KPNB1: variants seen among roughly 807,000 people sequenced by gnomAD.
KPNB1 encodes karyopherin subunit beta 1.
KPNB1 carries 7 observed loss-of-function variants against 113.0 expected under a neutral mutation model. The ratio of observed to expected loss-of-function variants is 0.06; its 90% confidence interval spans 0.04 to 0.12. The LOEUF (loss-of-function observed/expected upper bound fraction) is 0.12. Among genes scored for constraint, KPNB1 ranks in the 10% least tolerant of loss-of-function variants. The probability of loss-of-function intolerance (pLI) is 1.00; values close to 1 mark genes in which losing one functional copy is unlikely to be tolerated. For missense variants in KPNB1, 400 were observed against 1,054.8 expected (o/e 0.38, Z 8.60); for synonymous variants, 363 against 378.6 (o/e 0.96, Z 0.48).
intron 8 of KPNB1, among the ~76,000 whole-genome samples, chr17:47,664,812 A>G (rs1156458697): frequency 1.3e-5 from 2 of 152,196 alleles, no homozygotes; most frequent in Non-Finnish European, 2.9e-5. Flanking sequence ...CAGGTTGTCC[A>G]TATGAATTGA....
intron 17 of KPNB1, among the ~76,000 whole-genome samples, chr17:47,677,544 T>C: frequency 6.6e-6 from 1 of 150,808 alleles, no homozygotes. Flanking sequence ...TTTGGGCTTA[T>C]AAAGAGGGGA....
intron 7 of KPNB1, 69 bp from the exon 8 acceptor site, chr17:47,664,090 A>G: frequency 6.6e-6 from 6 of 908,264 alleles, no homozygotes; most frequent in Non-Finnish European, 1.1e-5. Flanking sequence ...CTGTGGTTAA[A>G]GCCGGGTTGG....
rs751114485 is a variant in KPNB1 at position 47,685,357 on chromosome 17, A to G, written c.*2953A>G. On this transcript the variant is annotated 3_prime_UTR_variant, in exon 22 of 22. Coordinates refer to ENST00000290158, the MANE Select transcript of KPNB1 (RefSeq NM_002265.6). ...CATCTTGGTTTTTGAAACAACTTCA[A>G]TCTGTAATTGGCATTCAGAATGCCC... 19 of 152,340 alleles carry G rather than the reference A, an allele frequency of 1.2e-4. No homozygotes were observed. The highest frequency in any genetic ancestry group is 4.1e-4 in the South Asian group (2 of 4,828). 9.4% of individuals were successfully genotyped at this position (152,340 alleles called of 1,614,324 possible). A position where few individuals can be genotyped will look rare whatever the true frequency, so the allele number is the denominator to read the frequency against.
chr17:47,671,561 CA>C (rs1162072845), intron 12 of KPNB1: 1 of 151,892 alleles, frequency 6.6e-6, no homozygotes, highest in Non-Finnish European at 1.5e-5. Context: ...TATTTTGAGA[CA>C]GAGTGTTGCT....
intron 3 of KPNB1, among the ~76,000 whole-genome samples, chr17:47,654,661 T>G (rs925059296): frequency 6.6e-6 from 1 of 152,184 alleles, no homozygotes; most frequent in African/African-American, 2.4e-5. Flanking sequence ...CAGAAAACTT[T>G]TAGTACTCAG....
intron 20 of KPNB1, 114 bp downstream of exon 20, chr17:47,680,248 C>A: frequency 1.2e-6 from 1 of 826,042 alleles, no homozygotes; most frequent in South Asian, 1.5e-5. Flanking sequence ...TTTTTTGGCA[C>A]AGAGATTTCT....
At chr17:47,676,807 C>CTTTTT (rs10649330) in intron 16 of KPNB1, among the ~76,000 whole-genome samples, 110 of 116,236 alleles carry the variant, frequency 9.5e-4, no homozygotes, top group African/African-American at 3.4e-3. Flanking sequence ...GAGAGCAAGG[C>CTTTTT]TTTTTTTTTT....
At chr17:47,672,145 A>G (rs2030467541) in intron 12 of KPNB1, among the ~76,000 whole-genome samples, 1 of 151,886 alleles carries the variant, frequency 6.6e-6, no homozygotes, top group Non-Finnish European at 1.5e-5. Flanking sequence ...AGCTGGTACT[A>G]AAGGTGCCCA....
intron 3 of KPNB1, among the ~76,000 whole-genome samples, 157 bp from the exon 4 acceptor site, chr17:47,656,703 G>C (rs970907384): frequency 6.6e-6 from 1 of 152,024 alleles, no homozygotes; most frequent in African/African-American, 2.4e-5. Flanking sequence ...AGCTGTGATC[G>C]TGCCACTGCA....
chr17:47,668,838 T>C (rs746499523), intron 10 of KPNB1, among the ~76,000 whole-genome samples: 7 of 152,184 alleles, frequency 4.6e-5, no homozygotes, highest in Non-Finnish European at 1.0e-4. Context: ...AATGGCATTA[T>C]TATTCTATTC....
At chr17:47,671,685 G>A (rs2030452962) in intron 12 of KPNB1, 1 of 151,892 alleles carries the variant, frequency 6.6e-6, no homozygotes, top group Non-Finnish European at 1.5e-5. Context: ...ATGCCACCAT[G>A]CCTGGCTAAT....
chr17:47,680,208 T>G (rs2030730920), intron 20 of KPNB1, 74 bp downstream of exon 20: 3 of 1,086,766 alleles, frequency 2.8e-6, no homozygotes, highest in Non-Finnish European at 4.2e-6. Context: ...GTAAGGAGTT[T>G]TGAGAGTATC....
In KPNB1 at chr17:47,664,266, A is replaced by G; in HGVS notation, c.894A>G (p.Ser298=). 1 of 1,588,966 alleles carries G rather than the reference A, an allele frequency of 6.3e-7. No individual in the cohort carries two copies. The highest frequency in any genetic ancestry group is 8.6e-7 in the Non-Finnish European group (1 of 1,157,132). Residue 298 remains serine (S), a synonymous_variant, in exon 8 of 22, where the codon TCA becomes TCG. Coordinates refer to ENST00000290158, the MANE Select transcript of KPNB1 (RefSeq NM_002265.6). ...AAATGGATTTGGCCATTGAAGCTTC[A>G]GAGGTGAGCTGGGGAGAACTATTAC... is the stretch of plus-strand genomic sequence containing the variant. ...DEEMDLAIEA[S]EAAEQGRPPE...
intron 9 of KPNB1, among the ~76,000 whole-genome samples, chr17:47,666,209 C>A (rs1351400135): frequency 6.6e-6 from 1 of 151,828 alleles, no homozygotes; most frequent in East Asian, 1.9e-4. Context: ...CGCACCACCA[C>A]GCCCAGCTAA....
chr17:47,649,964 T>C lies in KPNB1; in HGVS notation c.-281T>C. On this transcript the variant is annotated 5_prime_UTR_variant, in exon 1 of 22. Transcript: ENST00000290158. The stretch of plus-strand genomic sequence containing the variant: ...TCACTCACAGCCTCCCTTCCTTCTT[T>C]CTCCCTCCGCCTCCCGAGCACCAGC... 22 of 1,319,582 alleles carry C rather than the reference T, an allele frequency of 1.7e-5. No individual in the cohort carries two copies. The highest frequency in any genetic ancestry group is 2.1e-5 in the Non-Finnish European group (22 of 1,038,830). The allele number at this position is 1,319,582 out of a possible 1,614,324, so 81.7% of individuals were successfully genotyped here.
chr17:47,650,486 C>A, intron 2 of KPNB1, 42 bp downstream of exon 2: 2 of 1,573,234 alleles, frequency 1.3e-6, no homozygotes, highest in Non-Finnish European at 1.7e-6. Context: ...GCGTCCCCAT[C>A]CCCTGCGTGC....
chr17:47,653,271 ATTTTTTTTTT>A (rs3067142), intron 3 of KPNB1, among the ~76,000 whole-genome samples: 1 of 109,866 alleles, frequency 9.1e-6, no homozygotes, highest in Non-Finnish European at 1.8e-5. Flanking sequence ...AGCTCAGGGA[ATTTTTTTTTT>A]TTTTTTTTTT....
At chr17:47,674,904 A>G in intron 15 of KPNB1, 122 bp downstream of exon 15, 1 of 984,702 alleles carries the variant, frequency 1.0e-6, no homozygotes, top group South Asian at 1.7e-5. Context: ...GCAGCCTTGA[A>G]ATCGTGGGCT....
intron 19 of KPNB1, among the ~76,000 whole-genome samples, chr17:47,679,421 T>A (rs537253566): frequency 6.6e-6 from 1 of 152,144 alleles, no homozygotes; most frequent in Admixed American, 6.5e-5. Flanking sequence ...TGTTGCTGAT[T>A]GGGGAAATTT....
Sources: allele counts gnomAD v4.1 joint callset (sites outside exome capture counted in the v4.1 genomes callset), GRCh38; gene constraint gnomAD v4.1.1; transcripts MANE v1.5; gene names NCBI Gene and HGNC (gene_info 2026-07-23, HGNC 2026-07-21).